The following GRID2 variants were observed in gnomAD, a reference collection of about 807,000 sequenced individuals.
GRID2 encodes the protein glutamate receptor ionotropic, delta-2.
GRID2 carries 33 observed loss-of-function variants against 114.8 expected under a neutral mutation model. The ratio of observed to expected loss-of-function variants is 0.29; its 90% confidence interval spans 0.22 to 0.38. GRID2 has a LOEUF of 0.38. GRID2 is among the 10% of genes least tolerant of loss of function. GRID2 has a pLI of 1.00. For synonymous variants in GRID2, 505 were observed against 449.9 expected, an observed-to-expected ratio of 1.12 and a Z score of -1.55; for missense variants, 1,184 against 1,257.7, an observed-to-expected ratio of 0.94 and a Z score of 0.89.
intron 2 of GRID2, among the ~76,000 whole-genome samples, chr4:92,946,764 A>T (rs1002501938): frequency 6.6e-6 from 1 of 152,094 alleles, no homozygotes; most frequent in Non-Finnish European, 1.5e-5. Context: ...GCATCGTTCA[A>T]AGTCACCTGA....
chr4:93,104,723 T>G (rs1422979442), intron 3 of GRID2, among the ~76,000 whole-genome samples: 1 of 152,216 alleles, frequency 6.6e-6, no homozygotes. Flanking sequence ...GACATTTGGG[T>G]TGGTTCCAAG....
intron 1 of GRID2, among the ~76,000 whole-genome samples, chr4:92,385,416 C>G (rs1729898473): frequency 6.6e-6 from 1 of 151,694 alleles, no homozygotes; most frequent in African/African-American, 2.4e-5. Flanking sequence ...AGAGTATCAA[C>G]TGGAATTTAT....
chr4:93,746,110 T>G lies in GRID2; in HGVS notation c.2361-23100T>G, dbSNP rs1193132615. ...ATAGGTCTTTGGTATATTCTAAAAG[T>G]TAATTTTTAAGTTGAGAAAGATAAA... On this transcript the variant is annotated intron_variant, in intron 14 of 15. Transcript: ENST00000282020. Among the ~76,000 whole-genome samples the G allele has an allele frequency of 1.2e-4, 19 of 152,130 alleles. 1 individual carries two copies. Among genetic ancestry groups the G allele is most frequent in the Admixed American group, 1.2e-3 (18 of 15,266 alleles).
At chr4:92,439,997 A>G in intron 1 of GRID2, among the ~76,000 whole-genome samples, 1 of 145,772 alleles carries the variant, frequency 6.9e-6, no homozygotes, top group African/African-American at 2.4e-5. Flanking sequence ...GCACAGTCTA[A>G]GTTGGTCTGG....
At chr4:93,783,908 T>C (rs1734533288) in intron 1 of GRID2, among the ~76,000 whole-genome samples, 1 of 150,220 alleles carries the variant, frequency 6.7e-6, no homozygotes, top group African/African-American at 2.5e-5. Context: ...CCGTCTCTAC[T>C]AAAAATACAA....
chr4:93,679,953 C>CA (rs1401879872), intron 14 of GRID2, among the ~76,000 whole-genome samples: 2 of 150,652 alleles, frequency 1.3e-5, no homozygotes, highest in Non-Finnish European at 3.0e-5. Flanking sequence ...GAAATAGAGA[C>CA]CAAAAAAACC....
chr4:92,399,748 ATAT>A (rs1271534112), intron 1 of GRID2, among the ~76,000 whole-genome samples: 3 of 151,624 alleles, frequency 2.0e-5, no homozygotes, highest in Admixed American at 6.6e-5. Context: ...TAGGCAAAAC[ATAT>A]TATTTTATTG....
At chr4:92,879,841 G>A (rs539074271) in intron 2 of GRID2, among the ~76,000 whole-genome samples, 128 of 152,240 alleles carry the variant, frequency 8.4e-4, no homozygotes, top group Middle Eastern at 3.4e-3. Context: ...TCCTCATTAC[G>A]GAAAGTCAAG....
At chr4:93,519,114 T>C (rs552457060) in intron 13 of GRID2, among the ~76,000 whole-genome samples, 175 of 152,280 alleles carry the variant, frequency 1.1e-3, no homozygotes, top group African/African-American at 4.2e-3. Context: ...GTGGTTCATA[T>C]GCATATTAAA....
chr4:92,536,475 T>A (rs192257049), intron 1 of GRID2, among the ~76,000 whole-genome samples: 1 of 152,106 alleles, frequency 6.6e-6, no homozygotes, highest in Non-Finnish European at 1.5e-5. Context: ...TAAATTAATA[T>A]CCTATAAATA....
intron 1 of GRID2, among the ~76,000 whole-genome samples, chr4:92,322,847 C>T (rs1726387837): frequency 6.6e-6 from 1 of 152,016 alleles, no homozygotes; most frequent in Non-Finnish European, 1.5e-5. Flanking sequence ...TTTACTTTTT[C>T]CTTCACAGGC....
intron 2 of GRID2, among the ~76,000 whole-genome samples, chr4:93,055,517 A>T (rs1414580172): frequency 6.6e-6 from 1 of 152,034 alleles, no homozygotes; most frequent in Non-Finnish European, 1.5e-5. Flanking sequence ...CTTAAAGTAT[A>T]ATTAAACAAC....
intron 2 of GRID2, among the ~76,000 whole-genome samples, chr4:92,756,085 C>T (rs1288513909): frequency 1.3e-5 from 2 of 152,098 alleles, no homozygotes; most frequent in African/African-American, 4.8e-5. Flanking sequence ...ACTCTCTTCA[C>T]ACGCGTCCCC....
intron 1 of GRID2, among the ~76,000 whole-genome samples, chr4:92,572,045 G>A (rs1235766446): frequency 6.6e-6 from 1 of 152,098 alleles, no homozygotes; most frequent in East Asian, 1.9e-4. Context: ...GAGCAGAACT[G>A]AAGGAAATAG....
chr4:93,415,855 T>C (rs970942846), intron 9 of GRID2, among the ~76,000 whole-genome samples: 1 of 152,042 alleles, frequency 6.6e-6, no homozygotes, highest in Non-Finnish European at 1.5e-5. Flanking sequence ...ATAGAAATGA[T>C]ATATAAGATA....
At chr4:92,619,837 A>G (rs139593395) in intron 2 of GRID2, among the ~76,000 whole-genome samples, 1 of 151,382 alleles carries the variant, frequency 6.6e-6, no homozygotes, top group East Asian at 2.0e-4. Context: ...TAGTTTTATC[A>G]TTGCCTTTAA....
At chr4:92,940,889 G>C (rs1480041218) in intron 2 of GRID2, among the ~76,000 whole-genome samples, 1 of 152,088 alleles carries the variant, frequency 6.6e-6, no homozygotes, top group Non-Finnish European at 1.5e-5. Context: ...TGCATATGTT[G>C]AACCAGCCTT....
intron 1 of GRID2, among the ~76,000 whole-genome samples, chr4:92,340,509 G>T (rs1465939223): frequency 6.6e-6 from 1 of 152,116 alleles, no homozygotes; most frequent in African/African-American, 2.4e-5. Context: ...TTTCCCTGTA[G>T]AAATGCTACC....
At chr4:92,912,486 T>G (rs1306789608) in intron 2 of GRID2, among the ~76,000 whole-genome samples, 2 of 131,108 alleles carry the variant, frequency 1.5e-5, no homozygotes, top group Non-Finnish European at 3.4e-5. Context: ...TGTTTTGATA[T>G]GTACAGAAAA....
Sources: allele counts gnomAD v4.1 joint callset (sites outside exome capture counted in the v4.1 genomes callset), GRCh38; gene constraint gnomAD v4.1.1; transcripts MANE v1.5; gene names NCBI Gene and HGNC (gene_info 2026-07-23, HGNC 2026-07-21).